SERHL2: variants seen among roughly 807,000 people sequenced by gnomAD.
The protein encoded by SERHL2 is serine hydrolase like 2.
A neutral mutation model predicts 25.5 loss-of-function variants in SERHL2; 29 were observed. The observed-to-expected ratio is 1.14, with a 90% confidence interval of 0.85 to 1.55. The LOEUF is 1.55. Among genes scored for constraint, SERHL2 ranks in the 40% most tolerant of loss-of-function variants. The pLI is 0.00. For missense variants in SERHL2, 240 were observed against 252.3 expected (o/e 0.95, Z 0.33); for synonymous variants, 95 against 103.5 (o/e 0.92, Z 0.50).
At chr22:42,567,605 A>T (rs1923573173) in intron 9 of SERHL2, among the ~76,000 whole-genome samples, 1 of 151,614 alleles carries the variant, frequency 6.6e-6, no homozygotes, top group Non-Finnish European at 1.5e-5. Flanking sequence ...CAGAGCTTGC[A>T]GTGAGCCGAG....
chr22:42,571,076 G>A (rs780090245), intron 9 of SERHL2, 45 bp from the exon 10 acceptor site: 6 of 1,612,478 alleles, frequency 3.7e-6, no homozygotes, highest in Non-Finnish European at 5.1e-6. Flanking sequence ...CCACGAGAGT[G>A]CCTGTGCCTT....
At chr22:42,567,536 C>T (rs1454441603) in intron 9 of SERHL2, among the ~76,000 whole-genome samples, 27 of 151,314 alleles carry the variant, frequency 1.8e-4, no homozygotes, top group South Asian at 6.3e-4. Flanking sequence ...CGGTGGCAGG[C>T]GCCTGTAGTC....
chr22:42,571,139 T>A lies in SERHL2; in HGVS notation c.667T>A (p.Phe223Ile). The A allele has an allele frequency of 6.2e-7, 1 of 1,613,448 alleles. No homozygotes were observed. Among genetic ancestry groups the A allele is most frequent in the Non-Finnish European group, 8.5e-7 (1 of 1,179,652 alleles). The change falls in exon 10 of 12, where the codon TTC (phenylalanine) becomes ATC (isoleucine). Residue 223 changes from phenylalanine to isoleucine, a missense_variant. Phe to Ile is a conservative substitution (Grantham distance 21). Coordinates refer to ENST00000327678, the MANE Select transcript of SERHL2 (RefSeq NM_014509.5). ...RLAWAENSIDFISRELCAHSI... is the reference protein window; with the variant it reads ...RLAWAENSIDIISRELCAHSI... The stretch of plus-strand genomic sequence containing the variant: ...TCTGCAGGCAGAGAACAGCATTGAC[T>A]TCATCAGCAGGGAGCTGTGTGCGCA...
At position 42,562,921 on chromosome 22, in the gene SERHL2, G is replaced by A. The variant is rs577102055; in HGVS notation, c.613+2656G>A. Among the ~76,000 whole-genome samples, 60 of 152,116 alleles carry A rather than the reference G, an allele frequency of 3.9e-4. 3 individuals are homozygous for A. In the South Asian group the frequency reaches 8.9e-3, roughly 23 times the overall value. ...GTGTCAGTCTGGCCCCTGGCCAAGC[G>A]TATTCACACATGCCTGTAATCCCAG... On this transcript the variant is annotated intron_variant, in intron 8 of 11. Transcript: ENST00000327678.
intron 9 of SERHL2, among the ~76,000 whole-genome samples, chr22:42,567,558 G>A (rs1394849143): frequency 1.3e-5 from 2 of 151,440 alleles, no homozygotes; most frequent in South Asian, 4.2e-4. Flanking sequence ...CAGCTACTCG[G>A]GAGGCTGAGG....
In SERHL2 at chr22:42,571,188, A is replaced by G. The variant is rs865859982; in HGVS notation, c.716A>G (p.His239Arg). 3 of 1,613,386 alleles carry G rather than the reference A, an allele frequency of 1.9e-6. No individual in the cohort carries two copies. Among genetic ancestry groups the G allele is most frequent in the Middle Eastern group, 1.6e-4 (1 of 6,062 alleles). The change falls in exon 10 of 12, where the codon CAT becomes CGT. Residue 239 changes from histidine (H) to arginine (R), a missense_variant. This residue lies in a region of SERHL2 where 212 missense variants were observed against 168.9 expected (regional missense o/e 1.25). Coordinates refer to ENST00000327678, the MANE Select transcript of SERHL2 (RefSeq NM_014509.5). ...CAHSIRKLQA[H>R]VLLIKAVHGY... is the part of the protein sequence containing the mutation. ...CATTCCATCAGGAAGCTGCAGGCCC[A>G]TGTCCTGTTGATCAAGTAAGTCTGG...
chr22:42,561,255 G>T (rs995875649), intron 8 of SERHL2, among the ~76,000 whole-genome samples: 2 of 151,872 alleles, frequency 1.3e-5, no homozygotes, highest in African/African-American at 4.8e-5. Context: ...GAGGGAGATG[G>T]TGTCGTCGGA....
intron 8 of SERHL2, among the ~76,000 whole-genome samples, chr22:42,561,505 T>C (rs759979316): frequency 1.7e-4 from 26 of 150,388 alleles, no homozygotes; most frequent in East Asian, 2.0e-4. Context: ...GGGCGTGTTG[T>C]GGAGTTGAGG....
chr22:42,570,392 C>A (rs144129981), intron 9 of SERHL2, among the ~76,000 whole-genome samples: 1 of 151,980 alleles, frequency 6.6e-6, no homozygotes, highest in Non-Finnish European at 1.5e-5. Flanking sequence ...CATTCCAGCC[C>A]GGGCACCAAG....
intron 8 of SERHL2, chr22:42,563,377 A>T: frequency 2.4e-6 from 1 of 414,520 alleles, no homozygotes; most frequent in Non-Finnish European, 4.8e-6. Context: ...TAATTTTTGT[A>T]TTTTTTTGTA....
chr22:42,556,747 C>T, intron 6 of SERHL2, 159 bp downstream of exon 6: 3 of 992,038 alleles, frequency 3.0e-6, no homozygotes, highest in Non-Finnish European at 4.1e-6. Flanking sequence ...AGATGACAGG[C>T]TTCTGCTGCT....
chr22:42,571,079 T>C (rs1266331384), intron 9 of SERHL2, 42 bp from the exon 10 acceptor site: 7 of 1,612,648 alleles, frequency 4.3e-6, no homozygotes, highest in Non-Finnish European at 5.9e-6. Context: ...CGAGAGTGCC[T>C]GTGCCTTGTG....
At chr22:42,569,726 G>A (rs1923899679) in intron 9 of SERHL2, 1 of 150,958 alleles carries the variant, frequency 6.6e-6, no homozygotes, top group East Asian at 1.9e-4. Flanking sequence ...GGGAACCCCT[G>A]TTTCAGGGAA....
rs192392494 is a variant in SERHL2 at position 42,570,277 on chromosome 22, C to T, written c.649-844C>T. Reference sequence around the variant, plus strand: ...TCGCTACTAAAAATACAAAATTAGGCCTGGTGGCGCATGCCTGTAATCCCA... The same window carrying T: ...TCGCTACTAAAAATACAAAATTAGGTCTGGTGGCGCATGCCTGTAATCCCA... On this transcript the variant is annotated intron_variant, in intron 9 of 11. Transcript: ENST00000327678. Among the ~76,000 whole-genome samples, 24 of 152,062 alleles carry T rather than the reference C, an allele frequency of 1.6e-4. No homozygotes were observed. The East Asian group carries it at 4.2e-3, about 27-fold the overall frequency.
rs551064519 is a variant in SERHL2 at position 42,564,408 on chromosome 22, A to G, written c.614-1896A>G. Among the ~76,000 whole-genome samples, 3 of 150,830 alleles carry G rather than the reference A, an allele frequency of 2.0e-5. No individual in the cohort carries two copies. The East Asian group carries it at 5.9e-4, about 30-fold the overall frequency. ...TGATCTTACTGTACCACACATTTTA[A>G]ACTGAGGCCCGACACAGGATTTTTT... On this transcript the variant is annotated intron_variant, in intron 8 of 11. Coordinates refer to ENST00000327678, the MANE Select transcript of SERHL2 (RefSeq NM_014509.5).
chr22:42,554,423 G>C (rs1282440701), intron 1 of SERHL2, among the ~76,000 whole-genome samples: 2 of 152,190 alleles, frequency 1.3e-5, no homozygotes, highest in Admixed American at 1.3e-4. Context: ...CCTTGGGCAT[G>C]TACTGCAGCT....
Position 42,567,721 on chromosome 22 carries a change from T to TTTATTATTATTATTATTATTA in SERHL2, c.648+1389_648+1409dup, listed in dbSNP as rs553420266. ...AATAAAAGTTCGATTTTTCTTTAAT[T>TTTATTATTATTATTATTATTA]TTATTATTATTATTATTATTATTAT... On this transcript the variant is annotated intron_variant, in intron 9 of 11. Coordinates refer to ENST00000327678, the MANE Select transcript of SERHL2 (RefSeq NM_014509.5). 2.3e-3 allele frequency among the ~76,000 whole-genome samples: 308 copies of TTTATTATTATTATTATTATTA among 132,076 alleles called. 1 individual carries two copies. Among genetic ancestry groups the TTTATTATTATTATTATTATTA allele is most frequent in the African/African-American group, 7.3e-3 (293 of 40,076 alleles). The allele number at this position is 132,076 out of a possible 152,430, so 86.6% of individuals were successfully genotyped here. A position where few individuals can be genotyped will look rare whatever the true frequency, so the allele number is the denominator to read the frequency against.
intron 8 of SERHL2, 26 bp from the exon 9 acceptor site, chr22:42,566,278 T>C: frequency 6.2e-7 from 1 of 1,609,616 alleles, no homozygotes; most frequent in Non-Finnish European, 8.5e-7. Flanking sequence ...GCATTGACGC[T>C]GCTGTCTTTG....
chr22:42,567,620 C>T (rs1436867305), intron 9 of SERHL2, among the ~76,000 whole-genome samples: 9 of 151,188 alleles, frequency 6.0e-5, no homozygotes, highest in Non-Finnish European at 1.0e-4. Flanking sequence ...GCCGAGATTG[C>T]GCCACTGCAG....
Sources: gnomAD v4.1 joint callset for allele counts (sites outside exome capture counted in the v4.1 genomes callset) on GRCh38, gnomAD v4.1.1 for gene constraint, gnomAD v4.1.1 regional missense constraint, MANE v1.5 for transcripts, NCBI Gene and HGNC (gene_info 2026-07-23, HGNC 2026-07-21) for gene names.